ITGAE: variants seen among roughly 807,000 people sequenced by gnomAD.
The protein encoded by ITGAE is integrin subunit alpha E.
ITGAE carries 99 observed loss-of-function variants against 136.5 expected under a neutral mutation model. The observed-to-expected ratio is 0.73, with a 90% CI of 0.62 to 0.86. The LOEUF (loss-of-function observed/expected upper bound fraction) is 0.86, where lower values mean the gene tolerates loss of function less well. Ranked by LOEUF, ITGAE falls within the 40% of genes least tolerant of loss-of-function variation. The pLI, the probability that ITGAE is intolerant of heterozygous loss-of-function variation, is 0.00. For synonymous variants in ITGAE, 613 were observed against 591.8 expected, an observed-to-expected ratio of 1.04 and a Z score of -0.52; for missense variants, 1,447 against 1,515.3, an observed-to-expected ratio of 0.95 and a Z score of 0.75.
intron 28 of ITGAE, 169 bp from the exon 29 acceptor site, chr17:3,720,571 A>T: frequency 1.1e-5 from 5 of 442,158 alleles, no homozygotes; most frequent in Non-Finnish European, 1.6e-5. Context: ...ATCTGCAGTT[A>T]TTCTTCAACT....
At chr17:3,763,172 C>T (rs747771025) in intron 3 of ITGAE, among the ~76,000 whole-genome samples, 14 of 152,120 alleles carry the variant, frequency 9.2e-5, no homozygotes, top group Non-Finnish European at 1.0e-4. Context: ...AGATTACAGG[C>T]GTGAGCCACG....
intron 26 of ITGAE, 92 bp from the exon 27 acceptor site, chr17:3,723,836 G>A: frequency 6.5e-7 from 1 of 1,544,132 alleles, no homozygotes; most frequent in Non-Finnish European, 8.7e-7. Flanking sequence ...AGGTGCGCAT[G>A]CGCAGGGCCG....
intron 2 of ITGAE, among the ~76,000 whole-genome samples, chr17:3,770,287 A>ATT (rs1202150020): frequency 1.4e-5 from 2 of 142,578 alleles, no homozygotes; most frequent in South Asian, 2.3e-4. Flanking sequence ...GCCCAGCTAA[A>ATT]TTTTTTTTTT....
At chr17:3,734,246 TG>T (rs751705086) in intron 21 of ITGAE, among the ~76,000 whole-genome samples, 1 of 146,846 alleles carries the variant, frequency 6.8e-6, no homozygotes, top group Non-Finnish European at 1.5e-5. Flanking sequence ...AATTTTTTTT[TG>T]TATTTTTAGT....
chr17:3,761,821 C>A, intron 4 of ITGAE, 94 bp downstream of exon 4: 1 of 1,089,766 alleles, frequency 9.2e-7, no homozygotes, highest in East Asian at 2.5e-5. Flanking sequence ...TCGGGAACAG[C>A]ATGGCAGTCA....
At chr17:3,781,176 C>T (rs192747774) in intron 1 of ITGAE, among the ~76,000 whole-genome samples, 119 of 152,296 alleles carry the variant, frequency 7.8e-4, no homozygotes, top group African/African-American at 2.6e-3. Flanking sequence ...CCGCTTCTCA[C>T]GCAGCTGTTT....
intron 11 of ITGAE, 124 bp from the exon 12 acceptor site, chr17:3,755,385 G>C: frequency 8.7e-7 from 1 of 1,151,430 alleles, no homozygotes; most frequent in East Asian, 2.7e-5. Context: ...CGGTGGTCTA[G>C]TGCCCGCCTG....
intron 18 of ITGAE, among the ~76,000 whole-genome samples, chr17:3,744,064 G>A (rs2051656256): frequency 1.3e-5 from 2 of 151,186 alleles, no homozygotes; most frequent in Non-Finnish European, 1.5e-5. Context: ...AGTCTGGAGG[G>A]CAGCAGCACC....
At chr17:3,762,034 G>C in intron 3 of ITGAE, 52 bp from the exon 4 acceptor site, 1 of 1,525,756 alleles carries the variant, frequency 6.6e-7, no homozygotes, top group South Asian at 1.1e-5. Context: ...GGGAGGCAGA[G>C]ACCCGAAGCC....
intron 11 of ITGAE, 152 bp from the exon 12 acceptor site, chr17:3,755,413 G>C (rs2051996484): frequency 3.2e-6 from 3 of 945,378 alleles, no homozygotes; most frequent in Non-Finnish European, 4.6e-6. Flanking sequence ...ATGCAGGCGG[G>C]AAGGTGAGAT....
intron 1 of ITGAE, among the ~76,000 whole-genome samples, chr17:3,782,132 G>A (rs1379646379): frequency 6.6e-6 from 1 of 151,516 alleles, no homozygotes; most frequent in African/African-American, 2.4e-5. Context: ...AAAATTAGCC[G>A]GGCATGGTGG....
chr17:3,795,670 G>A (rs556718204), intron 1 of ITGAE, among the ~76,000 whole-genome samples: 7 of 152,388 alleles, frequency 4.6e-5, no homozygotes, highest in South Asian at 4.1e-4. Context: ...TGCTCCTGCC[G>A]TGCGGCGGCT....
At chr17:3,715,068 TCTC>T (rs1014757474) in intron 30 of ITGAE, 126 bp from the exon 31 acceptor site, 2 of 619,938 alleles carry the variant, frequency 3.2e-6, no homozygotes, top group African/African-American at 3.7e-5. Context: ...ACTACTCCCT[TCTC>T]CTAACTTACT....
chr17:3,728,370 T>TC, intron 24 of ITGAE: 4 of 108,120 alleles, frequency 3.7e-5, no homozygotes, highest in Non-Finnish European at 6.9e-5. Context: ...ACTCATCCCT[T>TC]TTTTTTTTTT....
At chr17:3,785,543 G>T (rs2052770146) in intron 1 of ITGAE, among the ~76,000 whole-genome samples, 1 of 148,894 alleles carries the variant, frequency 6.7e-6, no homozygotes, top group South Asian at 2.2e-4. Flanking sequence ...AGGAAGGAAG[G>T]AAGGAAGGAA....
chr17:3,757,102 C>T lies in ITGAE; in HGVS notation c.1053G>A (p.Ala351=), dbSNP rs150176235. The T allele has an allele frequency of 4.1e-5, 66 of 1,614,032 alleles. No homozygotes were observed. The highest frequency in any genetic ancestry group is 3.5e-4 in the African/African-American group (26 of 74,920). ...VGEEFKSART[A]RELNLIASDP... is the part of the protein sequence containing the mutation. ...CTGAGGCGATCAGGTTCAGTTCCCT[C>T]GCAGTCCTAGCACTCTTAAATTCTT... Residue 351 remains alanine (A), a synonymous_variant, in exon 10 of 31, where the codon GCG becomes GCA. Transcript: ENST00000263087.
intron 29 of ITGAE, chr17:3,718,176 A>G (rs2143005595): frequency 6.9e-6 from 1 of 144,118 alleles, no homozygotes; most frequent in East Asian, 1.9e-4. Context: ...TCAGGTGATC[A>G]TGACACAGCT....
intron 15 of ITGAE, among the ~76,000 whole-genome samples, chr17:3,750,686 G>A (rs1436150064): frequency 2.0e-5 from 3 of 152,110 alleles, no homozygotes; most frequent in Non-Finnish European, 2.9e-5. Context: ...GGACTTGACA[G>A]GGGAGAGTAA....
At chr17:3,789,062 A>G (rs2052874104) in intron 1 of ITGAE, among the ~76,000 whole-genome samples, 2 of 151,794 alleles carry the variant, frequency 1.3e-5, no homozygotes, top group Admixed American at 1.3e-4. Context: ...CCTGGGCAAT[A>G]CAGTGAGACT....
Sources: allele counts gnomAD v4.1 joint callset (sites outside exome capture counted in the v4.1 genomes callset), GRCh38; gene constraint gnomAD v4.1.1; transcripts MANE v1.5; gene names NCBI Gene and HGNC (gene_info 2026-07-23, HGNC 2026-07-21).